PTPRD: variants seen among roughly 807,000 people sequenced by gnomAD.
PTPRD encodes the protein protein tyrosine phosphatase receptor type D, also known as receptor-type tyrosine-protein phosphatase delta.
A neutral mutation model predicts 214.5 loss-of-function variants in PTPRD; 34 were observed. The ratio of observed to expected loss-of-function variants is 0.16; its 90% CI spans 0.12 to 0.21. The LOEUF (loss-of-function observed/expected upper bound fraction) is 0.21, where lower values mean the gene tolerates loss of function less well. Ranked by LOEUF, PTPRD falls within the 10% of genes least tolerant of loss-of-function variation. PTPRD has a pLI of 1.00. For missense variants in PTPRD, 2,545 were observed against 2,398.7 expected (o/e 1.06, Z -1.27); for synonymous variants, 1,128 against 845.7 (o/e 1.33, Z -5.79).
intron 11 of PTPRD, among the ~76,000 whole-genome samples, chr9:8,815,942 T>G (rs1228589549): frequency 6.6e-6 from 1 of 152,236 alleles, no homozygotes; most frequent in Non-Finnish European, 1.5e-5. Flanking sequence ...ATGGTGGTAC[T>G]TGAGTGATTT....
rs75123693 is a variant in PTPRD at position 8,524,867 on chromosome 9, G to C, written c.679+58C>G. ...AATATAACAACACGGACCCTGCGGC[G>C]TCTCAACTCCCCCTGAGCCTGAATG... On this transcript the variant is annotated intron_variant, in intron 18 of 45. Transcript: ENST00000381196. The C allele has an allele frequency of 4.7e-4, 666 of 1,424,430 alleles. 2 individuals carry two copies. The African/African-American group carries it at 8.1e-3, about 17-fold the overall frequency. 88.2% of individuals were successfully genotyped at this position (1,424,430 alleles called of 1,614,324 possible).
chr9:8,751,108 G>A (rs2093476202), intron 11 of PTPRD, among the ~76,000 whole-genome samples: 1 of 152,196 alleles, frequency 6.6e-6, no homozygotes, highest in Non-Finnish European at 1.5e-5. Context: ...AAAACAATCA[G>A]AAATAATGTG....
At chr9:9,732,584 G>A (rs938761357) in intron 7 of PTPRD, among the ~76,000 whole-genome samples, 2 of 152,086 alleles carry the variant, frequency 1.3e-5, no homozygotes, top group East Asian at 3.9e-4. Flanking sequence ...GACAGCTTTA[G>A]GATGGAAAAA....
intron 8 of PTPRD, among the ~76,000 whole-genome samples, chr9:9,438,166 C>A (rs1278819079): frequency 6.6e-6 from 1 of 152,110 alleles, no homozygotes; most frequent in Non-Finnish European, 1.5e-5. Context: ...TTGATAATCT[C>A]TATGAAGATC....
chr9:10,490,845 T>C (rs1043365961), intron 2 of PTPRD, among the ~76,000 whole-genome samples: 7 of 152,222 alleles, frequency 4.6e-5, no homozygotes, highest in African/African-American at 1.4e-4. Context: ...TATTTTGCTT[T>C]TTGCTTTGCG....
At chr9:9,947,345 T>A (rs10759115) in intron 4 of PTPRD, among the ~76,000 whole-genome samples, 2,229 of 37,024 alleles carry the variant, frequency 0.06, 54 homozygotes, top group East Asian at 0.42. Flanking sequence ...ATTATATATA[T>A]AATATATATT....
At chr9:8,994,479 G>C (rs2099388978) in intron 11 of PTPRD, among the ~76,000 whole-genome samples, 1 of 151,860 alleles carries the variant, frequency 6.6e-6, no homozygotes, top group Non-Finnish European at 1.5e-5. Context: ...GAGATCAATA[G>C]GACAATTATT....
chr9:10,314,006 T>C (rs2096348155), intron 3 of PTPRD, among the ~76,000 whole-genome samples: 1 of 151,924 alleles, frequency 6.6e-6, no homozygotes, highest in South Asian at 2.1e-4. Context: ...ATTTAATAAA[T>C]GGACGTGATG....
chr9:9,218,042 A>T (rs2133213230), intron 9 of PTPRD, among the ~76,000 whole-genome samples: 1 of 152,254 alleles, frequency 6.6e-6, no homozygotes, highest in South Asian at 2.1e-4. Context: ...GTCCGAAAAT[A>T]GAACATATAA....
intron 3 of PTPRD, among the ~76,000 whole-genome samples, chr9:10,217,008 C>T (rs1171608976): frequency 6.6e-6 from 1 of 151,870 alleles, no homozygotes; most frequent in Non-Finnish European, 1.5e-5. Context: ...TATTGGCCTG[C>T]AACTATAATC....
intron 14 of PTPRD, among the ~76,000 whole-genome samples, chr9:8,536,750 A>C (rs2077049853): frequency 6.6e-6 from 1 of 152,036 alleles, no homozygotes; most frequent in Admixed American, 6.6e-5. Context: ...AGCAGATATA[A>C]GTAGACCTAA....
At chr9:10,333,327 T>G (rs1278457434) in intron 3 of PTPRD, among the ~76,000 whole-genome samples, 1 of 151,786 alleles carries the variant, frequency 6.6e-6, no homozygotes, top group Non-Finnish European at 1.5e-5. Flanking sequence ...GTTTATAGCT[T>G]GTTCAGCACT....
intron 11 of PTPRD, among the ~76,000 whole-genome samples, chr9:8,846,903 A>C (rs1220080055): frequency 6.6e-6 from 1 of 152,184 alleles, no homozygotes; most frequent in Non-Finnish European, 1.5e-5. Flanking sequence ...TGACGTGATC[A>C]GATTTGAGTT....
intron 11 of PTPRD, among the ~76,000 whole-genome samples, chr9:8,963,889 C>T (rs1455558196): frequency 2.6e-5 from 4 of 152,156 alleles, no homozygotes; most frequent in African/African-American, 7.2e-5. Context: ...GCTAGGATTA[C>T]AGGCATGAGC....
chr9:9,965,180 T>C (rs1394598985), intron 4 of PTPRD, among the ~76,000 whole-genome samples: 1 of 152,116 alleles, frequency 6.6e-6, no homozygotes, highest in Non-Finnish European at 1.5e-5. Context: ...AGAATATTAG[T>C]TCTGGGAATG....
chr9:9,651,102 C>T (rs772127400), intron 7 of PTPRD, among the ~76,000 whole-genome samples: 1 of 152,094 alleles, frequency 6.6e-6, no homozygotes, highest in Non-Finnish European at 1.5e-5. Context: ...CTTCTAATAA[C>T]TGGGATATCT....
At chr9:8,586,874 G>A (rs537400377) in intron 14 of PTPRD, among the ~76,000 whole-genome samples, 20 of 152,294 alleles carry the variant, frequency 1.3e-4, no homozygotes, top group Admixed American at 7.8e-4. Flanking sequence ...CCGGCTGGGC[G>A]CCGTGGCTCA....
At chr9:8,834,931 T>C (rs2097381342) in intron 11 of PTPRD, among the ~76,000 whole-genome samples, 1 of 152,192 alleles carries the variant, frequency 6.6e-6, no homozygotes, top group African/African-American at 2.4e-5. Context: ...CCTGGGGTTA[T>C]TCAGAGCAAA....
chr9:9,398,448 T>A (rs556508745), intron 8 of PTPRD, among the ~76,000 whole-genome samples: 1 of 152,014 alleles, frequency 6.6e-6, no homozygotes, highest in Non-Finnish European at 1.5e-5. Flanking sequence ...GGAGACAATT[T>A]ATTTAGTGTA....
Sources: gnomAD v4.1 joint callset for allele counts (sites outside exome capture counted in the v4.1 genomes callset) on GRCh38, gnomAD v4.1.1 for gene constraint, MANE v1.5 for transcripts, NCBI Gene and HGNC (gene_info 2026-07-23, HGNC 2026-07-21) for gene names.